GORASP2: variants seen among roughly 807,000 people sequenced by gnomAD.
GORASP2 encodes golgi reassembly stacking protein 2, also known as Golgi reassembly-stacking protein 2.
In GORASP2, 22 loss-of-function variants were observed where a neutral mutation model predicts 45.7. That is an observed-to-expected ratio of 0.48 (90% CI 0.34 to 0.69). The LOEUF (loss-of-function observed/expected upper bound fraction) is 0.69, where lower values mean the gene tolerates loss of function less well. Ranked by LOEUF, GORASP2 falls within the 30% of genes least tolerant of loss-of-function variation. GORASP2 has a pLI of 0.01. For missense variants in GORASP2, 491 were observed against 562.7 expected (o/e 0.87, Z 1.29); for synonymous variants, 221 against 215.6 (o/e 1.02, Z -0.22).
intron 1 of GORASP2, among the ~76,000 whole-genome samples, chr2:170,940,739 A>G (rs767950214): frequency 2.0e-5 from 3 of 152,112 alleles, no homozygotes; most frequent in Non-Finnish European, 4.4e-5. Flanking sequence ...AGCTCAAGCC[A>G]AAAAATGTAT....
chr2:170,964,559 A>G (rs1380211557), intron 9 of GORASP2, among the ~76,000 whole-genome samples: 5 of 152,174 alleles, frequency 3.3e-5, no homozygotes, highest in African/African-American at 9.7e-5. Flanking sequence ...AAGGTGAGGC[A>G]GGAGAATCGC....
At chr2:170,943,997 T>C (rs964175865) in intron 1 of GORASP2, among the ~76,000 whole-genome samples, 4 of 152,180 alleles carry the variant, frequency 2.6e-5, no homozygotes, top group African/African-American at 9.7e-5. Context: ...ATTTACAAAT[T>C]TAACCTGTTC....
chr2:170,944,052 G>T (rs1254538350), intron 1 of GORASP2, among the ~76,000 whole-genome samples: 1 of 152,142 alleles, frequency 6.6e-6, no homozygotes, highest in Non-Finnish European at 1.5e-5. Context: ...AATGTTAAAT[G>T]GTCTGTGGAG....
intron 1 of GORASP2, among the ~76,000 whole-genome samples, chr2:170,931,778 T>A (rs1344653666): frequency 1.3e-5 from 2 of 152,226 alleles, no homozygotes; most frequent in African/African-American, 4.8e-5. Flanking sequence ...GAAGTTCTGC[T>A]ATGAGCAGTG....
chr2:170,956,458 C>G lies in GORASP2; in HGVS notation c.722C>G (p.Pro241Arg). The stretch of plus-strand genomic sequence containing the variant: ...AAGGTCCAGCTGTCCTCAGTTAATC[C>G]CCCGTCTTTGTCACCACCAGGAACT... The part of the protein sequence containing the change: ...FTEVQLSSVN[P>R]PSLSPPGTTG... The change falls in exon 7 of 10, where the codon CCC (proline) becomes CGC (arginine). Residue 241 changes from proline to arginine, a missense_variant. Physicochemically the swap from Pro to Arg is moderately radical, Grantham distance 103. Around this residue, in one of 2 missense-constraint regions of GORASP2, gnomAD observed 297 missense variants for 292.3 expected, o/e 1.02. Coordinates refer to ENST00000234160, the MANE Select transcript of GORASP2 (RefSeq NM_015530.5). 1 of 1,612,408 alleles carries G rather than the reference C, an allele frequency of 6.2e-7. No homozygotes were observed. Among genetic ancestry groups the G allele is most frequent in the Non-Finnish European group, 8.5e-7 (1 of 1,179,428 alleles).
At chr2:170,958,105 G>C (rs1008944444) in intron 7 of GORASP2, among the ~76,000 whole-genome samples, 6 of 152,104 alleles carry the variant, frequency 3.9e-5, no homozygotes, top group Non-Finnish European at 8.8e-5. Flanking sequence ...TGGTCTCCTA[G>C]GTTCTCATCC....
At position 170,938,214 on chromosome 2, in the gene GORASP2, G is replaced by A. The variant is rs1270992312; in HGVS notation, c.63+8811G>A. Among the ~76,000 whole-genome samples the A allele has an allele frequency of 3.3e-5, 5 of 152,340 alleles. No individual in the cohort carries two copies. In the East Asian group the frequency reaches 5.8e-4, roughly 18 times the overall value. The stretch of plus-strand genomic sequence containing the variant: ...GAATATAATAAGGATTCAAATGTTA[G>A]CTGATGCCTTTATTACTAGCATTTG... On this transcript the variant is annotated intron_variant, in intron 1 of 9. Coordinates refer to ENST00000234160, the MANE Select transcript of GORASP2 (RefSeq NM_015530.5).
At chr2:170,961,112 C>A (rs1002850811) in intron 7 of GORASP2, among the ~76,000 whole-genome samples, 1 of 152,222 alleles carries the variant, frequency 6.6e-6, no homozygotes, top group African/African-American at 2.4e-5. Context: ...AGGACTGTCA[C>A]AGAACCTAAG....
intron 9 of GORASP2, among the ~76,000 whole-genome samples, chr2:170,963,884 A>G (rs1029591856): frequency 8.5e-5 from 13 of 152,100 alleles, no homozygotes; most frequent in African/African-American, 2.9e-4. Context: ...GGCTCAAGCA[A>G]TCTTCCTGCT....
intron 1 of GORASP2, chr2:170,929,954 G>A (rs764551383): frequency 2.9e-6 from 1 of 346,836 alleles, no homozygotes; most frequent in Non-Finnish European, 6.1e-6. Flanking sequence ...AGGTTCGACG[G>A]ACTTAAACAG....
intron 2 of GORASP2, 86 bp downstream of exon 2, chr2:170,948,516 A>G (rs893738917): frequency 1.4e-6 from 1 of 702,076 alleles, no homozygotes; most frequent in Admixed American, 2.7e-5. Context: ...ATGGGTATTT[A>G]TTAGTTACAA....
At chr2:170,945,950 A>G (rs1704173602) in intron 1 of GORASP2, among the ~76,000 whole-genome samples, 1 of 152,230 alleles carries the variant, frequency 6.6e-6, no homozygotes, top group African/African-American at 2.4e-5. Flanking sequence ...TATTTGGACT[A>G]TTATAGAAAG....
Position 170,961,692 on chromosome 2 carries a change from C to A in GORASP2, c.853C>A (p.Gln285Lys). Reference protein sequence around the residue: ...GVPTVPLLPPQVNQSLTSVPP... With the variant: ...GVPTVPLLPPKVNQSLTSVPP... ...ACCAACAGTACCGTTATTGCCACCA[C>A]AAGTAAACCAGTCCCTCACTTCTGT... Residue 285 changes from glutamine (Q) to lysine (K), a missense_variant, in exon 8 of 10, where the codon CAA becomes AAA. Transcript: ENST00000234160. The A allele has an allele frequency of 6.3e-7, 1 of 1,597,278 alleles. No individual in the cohort carries two copies. Among genetic ancestry groups the A allele is most frequent in the African/African-American group, 1.3e-5 (1 of 74,694 alleles).
At chr2:170,951,651 T>C (rs1031423012) in intron 5 of GORASP2, 193 bp downstream of exon 5, 2 of 413,648 alleles carry the variant, frequency 4.8e-6, no homozygotes, top group African/African-American at 2.0e-5. Flanking sequence ...ATAGTATATA[T>C]ACTATAGTCC....
At position 170,932,203 on chromosome 2, in the gene GORASP2, G is replaced by T. The variant is rs192929564; in HGVS notation, c.63+2800G>T. Among the ~76,000 whole-genome samples the T allele has an allele frequency of 2.2e-4, 34 of 152,178 alleles. No individual in the cohort carries two copies. The East Asian group carries it at 6.2e-3, about 28-fold the overall frequency. On this transcript the variant is annotated intron_variant, in intron 1 of 9. Transcript: ENST00000234160. ...GATTGTGCCATTGCACTCTAGCCTA[G>T]GCAAAAAGAGTGAGACTTCTTTTCA...
intron 6 of GORASP2, among the ~76,000 whole-genome samples, 192 bp from the exon 7 acceptor site, chr2:170,956,244 G>A (rs1003064711): frequency 1.3e-5 from 2 of 152,200 alleles, no homozygotes; most frequent in African/African-American, 2.4e-5. Flanking sequence ...AGAGAGAGAT[G>A]CTTACAGTGC....
rs562390122 is a variant in GORASP2 at position 170,951,066 on chromosome 2, G to A, written c.436-262G>A. Among the ~76,000 whole-genome samples the A allele has an allele frequency of 5.3e-5, 8 of 152,296 alleles. No individual in the cohort carries two copies. The South Asian group carries it at 1.5e-3, about 28-fold the overall frequency. On this transcript the variant is annotated intron_variant, in intron 4 of 9. Transcript: ENST00000234160. ...ATAATGGGAAGTAAAAGCAGAATAT[G>A]TAGAACTCGGGTGTAAAAGAATTGT...
chr2:170,958,203 A>G (rs529928757), intron 7 of GORASP2, among the ~76,000 whole-genome samples: 3 of 152,342 alleles, frequency 2.0e-5, no homozygotes, highest in Admixed American at 6.5e-5. Context: ...AATGAACCCC[A>G]TCACCCAACT....
intron 7 of GORASP2, among the ~76,000 whole-genome samples, chr2:170,959,856 CT>C (rs1459587001): frequency 8.0e-6 from 1 of 125,206 alleles, no homozygotes; most frequent in East Asian, 2.6e-4. Flanking sequence ...GAGTCTTGCT[CT>C]GTCGCTCAGG....
Sources: gnomAD v4.1 joint callset for allele counts (sites outside exome capture counted in the v4.1 genomes callset) on GRCh38, gnomAD v4.1.1 for gene constraint, gnomAD v4.1.1 regional missense constraint, MANE v1.5 for transcripts, NCBI Gene and HGNC (gene_info 2026-07-23, HGNC 2026-07-21) for gene names.